The following CHLSN variants were observed in gnomAD, a reference collection of about 807,000 sequenced individuals.
CHLSN encodes cholesin.
chr7:1,107,846 C>A, the CHLSN span, among the ~76,000 whole-genome samples: 1 of 149,924 alleles, frequency 6.7e-6, no homozygotes, highest in Non-Finnish European at 1.5e-5. Context: ...GACCCGCACC[C>A]CGGGAGGAAG....
chr7:1,100,688 T>G, the CHLSN span, among the ~76,000 whole-genome samples: 1 of 151,778 alleles, frequency 6.6e-6, no homozygotes, highest in Non-Finnish European at 1.5e-5. Context: ...GGAGGGGCCG[T>G]CTGTGAAATG....
At chr7:1,068,996 G>A in the CHLSN span, among the ~76,000 whole-genome samples, 1 of 152,168 alleles carries the variant, frequency 6.6e-6, no homozygotes, top group Non-Finnish European at 1.5e-5. Flanking sequence ...TGCTGGGTGT[G>A]CCTGCCCACC....
At chr7:980,908 C>T in the CHLSN span, among the ~76,000 whole-genome samples, 29 of 151,414 alleles carry the variant, frequency 1.9e-4, no homozygotes, top group Non-Finnish European at 2.7e-4. Flanking sequence ...AGGATGGTCT[C>T]GATCTCCATC....
the CHLSN span, among the ~76,000 whole-genome samples, chr7:1,123,167 T>C: frequency 6.6e-6 from 1 of 151,716 alleles, no homozygotes; most frequent in South Asian, 2.1e-4. This position sits in a 1 kb window ranked among gnomAD's most constrained non-coding sequence, Gnocchi z 4.4. Flanking sequence ...CCTGGGAGAG[T>C]GAGTGCACCC....
chr7:1,026,388 C>G, the CHLSN span: 2 of 152,224 alleles, frequency 1.3e-5, no homozygotes, highest in Non-Finnish European at 2.9e-5. Flanking sequence ...GCTTCTGTGT[C>G]GACAGAGGCT....
the CHLSN span, among the ~76,000 whole-genome samples, chr7:1,120,189 T>A: frequency 6.6e-6 from 1 of 152,102 alleles, no homozygotes; most frequent in East Asian, 1.9e-4. Flanking sequence ...AACCACATAC[T>A]CAGTATGACA....
the CHLSN span, among the ~76,000 whole-genome samples, chr7:991,933 A>T: frequency 6.6e-6 from 1 of 151,984 alleles, no homozygotes; most frequent in South Asian, 2.1e-4. Flanking sequence ...GGAGTGGTGG[A>T]TTTGTCCTGC....
At chr7:1,121,119 C>T in the CHLSN span, among the ~76,000 whole-genome samples, 102 of 152,322 alleles carry the variant, frequency 6.7e-4, 2 homozygotes, top group East Asian at 7.1e-3. Flanking sequence ...CCGCTGCCTA[C>T]GCGGGCTTCA....
the CHLSN span, among the ~76,000 whole-genome samples, chr7:1,029,771 G>A: frequency 3.9e-5 from 6 of 152,214 alleles, no homozygotes; most frequent in African/African-American, 1.4e-4. Flanking sequence ...CCAGTCCCCC[G>A]CTGAATAAGG....
At chr7:1,066,956 G>A in the CHLSN span, among the ~76,000 whole-genome samples, 5 of 138,606 alleles carry the variant, frequency 3.6e-5, no homozygotes, top group African/African-American at 8.2e-5. Context: ...GTCTGTTGGC[G>A]GAGGCTGGAG....
chr7:1,106,281 C>G, the CHLSN span, among the ~76,000 whole-genome samples: 339 of 152,312 alleles, frequency 2.2e-3, 1 homozygote, highest in Non-Finnish European at 3.7e-3. Context: ...GGTCCCTGCA[C>G]AGACTCAAGG....
the CHLSN span, among the ~76,000 whole-genome samples, chr7:1,008,861 G>GCA: frequency 6.8e-6 from 1 of 146,918 alleles, no homozygotes; most frequent in East Asian, 2.0e-4. Context: ...GTAAACACAC[G>GCA]CACACACGTG....
chr7:1,012,643 C>T, the CHLSN span, among the ~76,000 whole-genome samples: 1 of 152,214 alleles, frequency 6.6e-6, no homozygotes, highest in Non-Finnish European at 1.5e-5. Context: ...CCACCCACTG[C>T]CCTGGGCTGT....
At chr7:979,313 G>A in the CHLSN span, among the ~76,000 whole-genome samples, 1 of 152,160 alleles carries the variant, frequency 6.6e-6, no homozygotes, top group African/African-American at 2.4e-5. Flanking sequence ...CCTGCTCAGG[G>A]GGTACCTTAG....
chr7:1,035,142 T>C, the CHLSN span, among the ~76,000 whole-genome samples: 256 of 152,206 alleles, frequency 1.7e-3, 5 homozygotes, highest in East Asian at 0.044. Context: ...GCTGGTGTCA[T>C]GTCTTTGTGA....
chr7:1,076,187 A>G, the CHLSN span: 1 of 152,574 alleles, frequency 6.6e-6, no homozygotes, highest in Non-Finnish European at 1.5e-5. Context: ...AATCGGCTGG[A>G]ATAAGCATCA....
chr7:1,117,165 G>A, the CHLSN span, among the ~76,000 whole-genome samples: 1 of 41,718 alleles, frequency 2.4e-5, no homozygotes, highest in South Asian at 7.9e-4. Context: ...TTCCATCACC[G>A]ACGTCCACGC....
At chr7:993,433 G>A in the CHLSN span, among the ~76,000 whole-genome samples, 1 of 152,182 alleles carries the variant, frequency 6.6e-6, no homozygotes, top group South Asian at 2.1e-4. Context: ...GGAGAGGAGT[G>A]GGGAGCGGAC....
the CHLSN span, among the ~76,000 whole-genome samples, chr7:1,011,903 C>A: frequency 1.2e-4 from 19 of 152,256 alleles, no homozygotes; most frequent in Admixed American, 7.8e-4. Flanking sequence ...CGCCCACACA[C>A]ACAGGCAGGA....
Sources: gnomAD v4.1 joint callset for allele counts (sites outside exome capture counted in the v4.1 genomes callset) on GRCh38, gnomAD v4.1.1 for gene constraint, Gnocchi (gnomAD v3.1) non-coding constraint, MANE v1.5 for transcripts, NCBI Gene and HGNC (gene_info 2026-07-23, HGNC 2026-07-21) for gene names.